The following SYCP1 variants were observed in gnomAD, a reference collection of about 807,000 sequenced individuals.
SYCP1 encodes the protein cancer/testis antigen 8.
In SYCP1, 64 loss-of-function variants were observed where a neutral mutation model predicts 153.1. That is an observed-to-expected ratio of 0.42 (90% CI 0.34 to 0.51). The LOEUF is 0.51. SYCP1 is among the 20% of genes least tolerant of loss of function. SYCP1 has a pLI of 0.06. For missense variants in SYCP1, 997 were observed against 1,049.0 expected (o/e 0.95, Z 0.68); for synonymous variants, 384 against 341.8 (o/e 1.12, Z -1.36).
At chr1:114,924,059 C>T (rs771351037) in intron 21 of SYCP1, among the ~76,000 whole-genome samples, 3 of 152,012 alleles carry the variant, frequency 2.0e-5, no homozygotes, top group Non-Finnish European at 4.4e-5. Flanking sequence ...AAATATTGAC[C>T]ACCTACTATG....
rs1450637441 is a variant in SYCP1 at position 114,987,876 on chromosome 1, AC to A, written c.2703+3011del. Among the ~76,000 whole-genome samples, 3 of 151,968 alleles carry A rather than the reference AC, an allele frequency of 2.0e-5. No individual in the cohort carries two copies. In the East Asian group the frequency reaches 5.8e-4, roughly 30 times the overall value. The stretch of plus-strand genomic sequence containing the variant: ...GGAAGACATGGACAAAGAAAAAAAA[AC>A]CCTAATTTTGTGTGAATAAAATGAG... On this transcript the variant is annotated intron_variant, in intron 30 of 31. Coordinates refer to ENST00000369522, the MANE Select transcript of SYCP1 (RefSeq NM_003176.4).
intron 22 of SYCP1, 54 bp from the exon 23 acceptor site, chr1:114,926,447 A>G (rs1239006323): frequency 6.7e-7 from 1 of 1,496,446 alleles, no homozygotes; most frequent in African/African-American, 1.4e-5. Context: ...AGTCAGTAGC[A>G]AGGTAAGTTT....
At chr1:114,904,952 T>C (rs1667720527) in intron 16 of SYCP1, among the ~76,000 whole-genome samples, 1 of 152,244 alleles carries the variant, frequency 6.6e-6, no homozygotes, top group Admixed American at 6.5e-5. Flanking sequence ...ATCATGTGGT[T>C]TTTCTTCTTT....
chr1:114,940,041 CCTT>C (rs1308401646), intron 23 of SYCP1, among the ~76,000 whole-genome samples: 1 of 151,862 alleles, frequency 6.6e-6, no homozygotes, highest in Non-Finnish European at 1.5e-5. Flanking sequence ...GTTATTTGTT[CCTT>C]CTTTTGTTTT....
intron 29 of SYCP1, among the ~76,000 whole-genome samples, chr1:114,982,667 T>C (rs912716091): frequency 1.6e-4 from 24 of 151,970 alleles, no homozygotes; most frequent in Middle Eastern, 3.2e-3. Flanking sequence ...TTTGAACATA[T>C]TTAAAATAGC....
At chr1:114,955,325 A>C (rs1016066801) in intron 27 of SYCP1, among the ~76,000 whole-genome samples, 3 of 152,176 alleles carry the variant, frequency 2.0e-5, no homozygotes, top group South Asian at 4.1e-4. Context: ...TAATCTGCTA[A>C]TTTTTTGTTG....
intron 27 of SYCP1, among the ~76,000 whole-genome samples, chr1:114,952,707 C>T (rs1671189332): frequency 6.6e-6 from 1 of 152,196 alleles, no homozygotes; most frequent in African/African-American, 2.4e-5. Context: ...CCACTGGGTA[C>T]TCTCCCACAA....
intron 30 of SYCP1, among the ~76,000 whole-genome samples, chr1:114,993,243 G>A (rs1036032105): frequency 2.6e-5 from 4 of 151,516 alleles, no homozygotes; most frequent in Admixed American, 6.6e-5. Flanking sequence ...GAGTATATCT[G>A]CAAAGGTAGC....
At chr1:114,856,498 A>G (rs377764209) in intron 2 of SYCP1, 75 bp from the exon 3 acceptor site, 5 of 950,430 alleles carry the variant, frequency 5.3e-6, no homozygotes, top group South Asian at 3.7e-5. Flanking sequence ...TGTATATTAC[A>G]TATGTATATA....
At chr1:114,870,888 A>G (rs1222943097) in intron 8 of SYCP1, among the ~76,000 whole-genome samples, 1 of 152,118 alleles carries the variant, frequency 6.6e-6, no homozygotes, top group African/African-American at 2.4e-5. Flanking sequence ...ATTATTATCT[A>G]CCACATTTAT....
chr1:114,886,871 A>T (rs1332957889), intron 14 of SYCP1, among the ~76,000 whole-genome samples: 1 of 152,032 alleles, frequency 6.6e-6, no homozygotes, highest in African/African-American at 2.4e-5. Context: ...TCTAAATAGC[A>T]GTTTTTCTAA....
chr1:114,931,040 A>G (rs1570795178), intron 23 of SYCP1, among the ~76,000 whole-genome samples: 1 of 152,068 alleles, frequency 6.6e-6, no homozygotes, highest in South Asian at 2.1e-4. Context: ...AATTATCTCA[A>G]TAGTTGCAGA....
intron 20 of SYCP1, among the ~76,000 whole-genome samples, chr1:114,915,959 G>A (rs868439918): frequency 6.6e-6 from 1 of 152,122 alleles, no homozygotes; most frequent in African/African-American, 2.4e-5. Context: ...TTACAAAGGC[G>A]TTCTGGGAGC....
chr1:114,954,715 G>T (rs897558466), intron 27 of SYCP1, among the ~76,000 whole-genome samples: 7 of 152,086 alleles, frequency 4.6e-5, no homozygotes, highest in Non-Finnish European at 8.8e-5. Context: ...CGAGCAGCTG[G>T]GACTACAGGC....
intron 27 of SYCP1, among the ~76,000 whole-genome samples, chr1:114,949,733 T>C (rs1007569660): frequency 6.6e-6 from 1 of 152,224 alleles, no homozygotes; most frequent in Non-Finnish European, 1.5e-5. Context: ...GTTCTTTTCT[T>C]AAGTATTAGT....
intron 16 of SYCP1, among the ~76,000 whole-genome samples, chr1:114,905,508 T>C (rs1667754238): frequency 6.6e-6 from 1 of 152,164 alleles, no homozygotes; most frequent in African/African-American, 2.4e-5. Flanking sequence ...CAAGGAACAA[T>C]AGATAAACTG....
intron 29 of SYCP1, 36 bp downstream of exon 29, chr1:114,981,548 T>C (rs751765225): frequency 1.4e-4 from 220 of 1,523,978 alleles, no homozygotes; most frequent in Admixed American, 6.7e-5. Flanking sequence ...GTAGTAATTT[T>C]TTAAATAAAT....
chr1:114,932,761 G>T (rs954326039), intron 23 of SYCP1, among the ~76,000 whole-genome samples: 1 of 152,254 alleles, frequency 6.6e-6, no homozygotes, highest in Non-Finnish European at 1.5e-5. Flanking sequence ...TATATCCCTT[G>T]CCTGGCTGGG....
At chr1:114,958,929 C>CAAA (rs202044089) in intron 27 of SYCP1, among the ~76,000 whole-genome samples, 3 of 107,382 alleles carry the variant, frequency 2.8e-5, no homozygotes, top group Middle Eastern at 4.9e-3. Flanking sequence ...GACTCCGTCT[C>CAAA]AAAAAAAAAA....
Sources: allele counts gnomAD v4.1 joint callset (sites outside exome capture counted in the v4.1 genomes callset), GRCh38; gene constraint gnomAD v4.1.1; transcripts MANE v1.5; gene names NCBI Gene and HGNC (gene_info 2026-07-23, HGNC 2026-07-21).